SVEP1: variants seen among roughly 807,000 people sequenced by gnomAD.
The protein encoded by SVEP1 is sushi, von Willebrand factor type A, EGF and pentraxin domain-containing protein 1.
In SVEP1, 164 loss-of-function variants were observed where a neutral mutation model predicts 367.3. The ratio of observed to expected loss-of-function variants is 0.45; its 90% CI spans 0.39 to 0.51. The LOEUF (loss-of-function observed/expected upper bound fraction) is 0.51, where lower values mean the gene tolerates loss of function less well. SVEP1 is among the 20% of genes least tolerant of loss of function. The pLI is 0.00. For missense variants in SVEP1, 4,117 were observed against 4,425.3 expected (o/e 0.93, Z 1.98); for synonymous variants, 1,666 against 1,611.6 (o/e 1.03, Z -0.81).
intron 6 of SVEP1, 65 bp downstream of exon 6, chr9:110,502,973 A>G (rs1829559396): frequency 3.3e-6 from 5 of 1,527,184 alleles, no homozygotes; most frequent in Non-Finnish European, 4.4e-6. Context: ...GTCTTCACAG[A>G]ATACTGGAGA....
chr9:110,522,218 C>T (rs977441721), intron 3 of SVEP1, among the ~76,000 whole-genome samples: 2 of 152,084 alleles, frequency 1.3e-5, no homozygotes, highest in African/African-American at 4.8e-5. Context: ...AGATCCATCC[C>T]TGGGATTCAG....
At chr9:110,510,145 G>A (rs1564163091) in intron 5 of SVEP1, among the ~76,000 whole-genome samples, 1 of 152,168 alleles carries the variant, frequency 6.6e-6, no homozygotes. Context: ...ACCAGTGGTG[G>A]CCCCATGTTC....
In SVEP1 at chr9:110,407,018, T is replaced by G; in HGVS notation, c.8582A>C (p.Glu2861Ala). ...FQKEIEYTCN[E>A]GFLLEGARSR... is the part of the protein sequence containing the mutation. ...CCTGGCTCCCTCAAGCAAGAACCCT[T>G]CATTGCAAGTGTATTCAATCTCTTT... The change falls in exon 38 of 48, where the codon GAA becomes GCA. Residue 2861 changes from glutamate (E) to alanine (A), a missense_variant. Coordinates refer to ENST00000374469, the MANE Select transcript of SVEP1 (RefSeq NM_153366.4). 6.2e-7 allele frequency: 1 copy of G among 1,613,964 alleles called. No homozygotes were observed. The highest frequency in any genetic ancestry group is 8.5e-7 in the Non-Finnish European group (1 of 1,179,878).
intron 17 of SVEP1, 49 bp downstream of exon 17, chr9:110,468,891 G>A: frequency 6.7e-7 from 1 of 1,494,412 alleles, no homozygotes; most frequent in Non-Finnish European, 9.0e-7. Context: ...CCCCAAAAGG[G>A]AAACAAAAAT....
At chr9:110,449,231 A>AT (rs1359894009) in intron 24 of SVEP1, among the ~76,000 whole-genome samples, 8 of 152,158 alleles carry the variant, frequency 5.3e-5, no homozygotes, top group African/African-American at 2.4e-5. Flanking sequence ...TCAGGGAGAC[A>AT]TAGTCTTTCT....
intron 28 of SVEP1, 148 bp from the exon 29 acceptor site, chr9:110,435,512 G>A (rs948197610): frequency 1.2e-5 from 11 of 882,406 alleles, no homozygotes; most frequent in Middle Eastern, 2.6e-4. Flanking sequence ...GGCAGCAGGA[G>A]ATTCTCTTCT....
At chr9:110,511,995 G>A (rs1829725566) in intron 5 of SVEP1, among the ~76,000 whole-genome samples, 1 of 152,072 alleles carries the variant, frequency 6.6e-6, no homozygotes, top group Admixed American at 6.5e-5. Context: ...ACAAACCAAT[G>A]AACCAGCACG....
intron 36 of SVEP1, among the ~76,000 whole-genome samples, chr9:110,425,015 A>T (rs1269985565): frequency 6.6e-6 from 1 of 152,202 alleles, no homozygotes; most frequent in East Asian, 1.9e-4. Context: ...TTTGTTAAAA[A>T]TTTGGCCAGA....
At chr9:110,405,042 A>C (rs10759431) in intron 38 of SVEP1, among the ~76,000 whole-genome samples, 69,757 of 151,874 alleles carry the variant, frequency 0.46, 16,240 homozygotes, top group African/African-American at 0.55. Flanking sequence ...CCAAAAAACA[A>C]AAAACCGGTA....
chr9:110,576,337 G>A (rs942570533), intron 1 of SVEP1, among the ~76,000 whole-genome samples: 4 of 152,006 alleles, frequency 2.6e-5, no homozygotes, highest in African/African-American at 9.7e-5. Flanking sequence ...TTGGAAAGAA[G>A]ACTGAAATAT....
chr9:110,478,670 C>G (rs1829138943), intron 13 of SVEP1, among the ~76,000 whole-genome samples: 1 of 152,140 alleles, frequency 6.6e-6, no homozygotes, highest in Non-Finnish European at 1.5e-5. Context: ...AACATTATTT[C>G]TCTTTTTGGA....
chr9:110,517,780 A>G (rs1054040228), intron 3 of SVEP1, among the ~76,000 whole-genome samples: 15 of 146,988 alleles, frequency 1.0e-4, no homozygotes, highest in African/African-American at 3.0e-4. Context: ...AAAAAAAGCC[A>G]TACTTCATTT....
In SVEP1 at chr9:110,503,176, T is replaced by C. The variant is rs377440583; in HGVS notation, c.1345A>G (p.Ile449Val). 63 of 1,613,858 alleles carry C rather than the reference T, an allele frequency of 3.9e-5. 1 individual carries two copies. In the African/African-American group the frequency reaches 6.0e-4, roughly 15 times the overall value. ...PHLRQPKHGH[I>V]SCSTREMLYK... ...AACATTTCCCTTGTAGAACAGCTGATGTGGCCATGTTTCGGCTGGCGGAGA... is the reference window on the plus strand; with the variant it reads ...AACATTTCCCTTGTAGAACAGCTGACGTGGCCATGTTTCGGCTGGCGGAGA... Residue 449 changes from isoleucine to valine, a missense_variant, in exon 6 of 48, where the codon ATC (isoleucine) becomes GTC (valine). Ile to Val is a conservative substitution (Grantham distance 29). This residue lies in a region of SVEP1 where 2,174 missense variants were observed against 2,494.3 expected (regional missense o/e 0.87). Transcript: ENST00000374469.
intron 22 of SVEP1, among the ~76,000 whole-genome samples, chr9:110,452,764 C>T (rs757718440): frequency 1.8e-4 from 27 of 152,206 alleles, no homozygotes; most frequent in Non-Finnish European, 3.4e-4. Context: ...TATTTCTAAA[C>T]AGCATGCCTG....
chr9:110,507,031 T>C (rs1027595576), intron 5 of SVEP1, among the ~76,000 whole-genome samples: 1 of 152,012 alleles, frequency 6.6e-6, no homozygotes, highest in Non-Finnish European at 1.5e-5. Context: ...CGAACAGAGA[T>C]TGGAGAGGAA....
chr9:110,537,792 A>T (rs907163089), intron 3 of SVEP1, among the ~76,000 whole-genome samples: 1 of 151,950 alleles, frequency 6.6e-6, no homozygotes, highest in African/African-American at 2.4e-5. Context: ...AGTCCTGCCA[A>T]AAAAATTTAG....
chr9:110,544,922 A>G (rs1588101931), intron 3 of SVEP1, among the ~76,000 whole-genome samples: 1 of 151,902 alleles, frequency 6.6e-6, no homozygotes, highest in Non-Finnish European at 1.5e-5. Context: ...CATCCCCCAT[A>G]CCTTCTACCC....
chr9:110,414,851 T>G (rs1828093938), intron 36 of SVEP1, among the ~76,000 whole-genome samples: 1 of 152,052 alleles, frequency 6.6e-6, no homozygotes, highest in Non-Finnish European at 1.5e-5. Flanking sequence ...TCAATAATTA[T>G]GTTTTCAATC....
rs997712115 is a variant in SVEP1 at position 110,515,547 on chromosome 9, G to A, written c.965-1441C>T. 9.9e-5 allele frequency among the ~76,000 whole-genome samples: 15 copies of A among 151,986 alleles called. No homozygotes were observed. In the South Asian group the frequency reaches 1.0e-3, roughly 10 times the overall value. ...AATCTCCTGACCTCATGATCCGCCC[G>A]CCTCAGCCTCCCAAAGTGCTGGGAT... On this transcript the variant is annotated intron_variant, in intron 3 of 47. Transcript: ENST00000374469.
Sources: gnomAD v4.1 joint callset for allele counts (sites outside exome capture counted in the v4.1 genomes callset) on GRCh38, gnomAD v4.1.1 for gene constraint, gnomAD v4.1.1 regional missense constraint, MANE v1.5 for transcripts, NCBI Gene and HGNC (gene_info 2026-07-23, HGNC 2026-07-21) for gene names.